SVOP: variants seen among roughly 807,000 people sequenced by gnomAD.
SVOP encodes synaptic vesicle 2-related protein.
In SVOP, 17 loss-of-function variants were observed where a neutral mutation model predicts 69.1. That is an observed-to-expected ratio of 0.25 (90% CI 0.17 to 0.37). The LOEUF (loss-of-function observed/expected upper bound fraction) is 0.37, where lower values mean the gene tolerates loss of function less well. Ranked by LOEUF, SVOP falls within the 10% of genes least tolerant of loss-of-function variation. The pLI, the probability that SVOP is intolerant of heterozygous loss-of-function variation, is 1.00. For missense variants in SVOP, 435 were observed against 597.5 expected, an observed-to-expected ratio of 0.73 and a Z score of 2.84; for synonymous variants, 238 against 238.6, an observed-to-expected ratio of 1.00 and a Z score of 0.02.
intron 1 of SVOP, among the ~76,000 whole-genome samples, chr12:108,988,992 C>T (rs972058941): frequency 6.6e-6 from 1 of 151,866 alleles, no homozygotes. Flanking sequence ...AGGCTGATCT[C>T]GAACTCCTGA....
chr12:108,945,932 G>T (rs376716737), intron 6 of SVOP, among the ~76,000 whole-genome samples: 3 of 152,098 alleles, frequency 2.0e-5, no homozygotes, highest in Admixed American at 6.5e-5. Flanking sequence ...TCCACCCTAA[G>T]TTATAATTTT....
chr12:108,993,731 T>G (rs2040216065), intron 1 of SVOP, among the ~76,000 whole-genome samples: 2 of 151,992 alleles, frequency 1.3e-5, no homozygotes, highest in African/African-American at 4.8e-5. Flanking sequence ...TGGTGTGAAA[T>G]GGGCTACAGA....
chr12:109,016,968 AG>A (rs1224927482), intron 1 of SVOP, among the ~76,000 whole-genome samples: 4 of 152,128 alleles, frequency 2.6e-5, no homozygotes, highest in Non-Finnish European at 4.4e-5. Flanking sequence ...GGCTTGCAGT[AG>A]TTCTTGATAG....
intron 11 of SVOP, among the ~76,000 whole-genome samples, chr12:108,933,443 C>A (rs1472640987): frequency 1.3e-5 from 2 of 151,818 alleles, no homozygotes; most frequent in African/African-American, 4.8e-5. Flanking sequence ...TTTGGAAGTC[C>A]AAGGCAGTCA....
intron 1 of SVOP, among the ~76,000 whole-genome samples, chr12:109,015,643 A>AAAAAAAATGC (rs111795303): frequency 2.0e-5 from 3 of 151,628 alleles, no homozygotes; most frequent in South Asian, 2.1e-4. Flanking sequence ...CCATCTCTAT[A>AAAAAAAATGC]AAAAATTAGC....
intron 11 of SVOP, among the ~76,000 whole-genome samples, chr12:108,933,163 C>G (rs1234531979): frequency 6.6e-6 from 1 of 152,104 alleles, no homozygotes; most frequent in Non-Finnish European, 1.5e-5. Flanking sequence ...GCACGAGCCA[C>G]CACGCCTGGC....
At chr12:108,989,014 C>T (rs916056856) in intron 1 of SVOP, among the ~76,000 whole-genome samples, 5 of 152,072 alleles carry the variant, frequency 3.3e-5, no homozygotes, top group African/African-American at 7.2e-5. Context: ...CTCAAGTGAT[C>T]GGCCTGCCTT....
chr12:108,995,884 G>A (rs1410562892), intron 1 of SVOP, among the ~76,000 whole-genome samples: 1 of 149,746 alleles, frequency 6.7e-6, no homozygotes, highest in African/African-American at 2.5e-5. Flanking sequence ...CCTGGGCAAC[G>A]CAGGTAGACT....
At chr12:108,993,271 G>T (rs538066284) in intron 1 of SVOP, among the ~76,000 whole-genome samples, 33 of 151,570 alleles carry the variant, frequency 2.2e-4, no homozygotes, top group Non-Finnish European at 4.3e-4. Context: ...GACTCCCAAA[G>T]TGCAGGTATT....
chr12:108,983,205 C>T (rs1221512322), intron 2 of SVOP, among the ~76,000 whole-genome samples: 1 of 151,048 alleles, frequency 6.6e-6, no homozygotes, highest in Non-Finnish European at 1.5e-5. Context: ...GTCTTCATCA[C>T]TATGATCATC....
At chr12:109,014,134 G>A (rs1328478521) in intron 1 of SVOP, among the ~76,000 whole-genome samples, 1 of 150,954 alleles carries the variant, frequency 6.6e-6, no homozygotes, top group Non-Finnish European at 1.5e-5. Context: ...TCGTGCCTCA[G>A]CCTCCCAAGT....
At chr12:108,959,372 G>A (rs1181344938) in intron 6 of SVOP, among the ~76,000 whole-genome samples, 1 of 67,328 alleles carries the variant, frequency 1.5e-5, no homozygotes, top group Non-Finnish European at 2.9e-5. Context: ...TTTTTTTTTT[G>A]AGTCAGAGTC....
At chr12:108,935,824 C>T (rs1366870127) in intron 10 of SVOP, among the ~76,000 whole-genome samples, 1 of 152,062 alleles carries the variant, frequency 6.6e-6, no homozygotes, top group Non-Finnish European at 1.5e-5. Flanking sequence ...TCTCCAAATA[C>T]CACCCCCAAC....
At chr12:108,939,067 G>T in intron 8 of SVOP, 112 bp from the exon 9 acceptor site, 1 of 1,474,896 alleles carries the variant, frequency 6.8e-7, no homozygotes, top group Non-Finnish European at 9.2e-7. Flanking sequence ...GGGCTCTGGA[G>T]CCAGAGAGCT....
At chr12:108,984,668 G>C (rs1368785350) in intron 1 of SVOP, among the ~76,000 whole-genome samples, 1 of 152,176 alleles carries the variant, frequency 6.6e-6, no homozygotes, top group African/African-American at 2.4e-5. Flanking sequence ...AAACTATGCT[G>C]TTTCTTGTTC....
chr12:108,919,428 C>T (rs1318420591), intron 13 of SVOP, among the ~76,000 whole-genome samples: 34 of 150,564 alleles, frequency 2.3e-4, no homozygotes, highest in Admixed American at 2.2e-3. Context: ...GGCCTATACC[C>T]ACACCTGTGC....
chr12:109,001,107 A>G (rs1166820452), intron 1 of SVOP, among the ~76,000 whole-genome samples: 1 of 148,898 alleles, frequency 6.7e-6, no homozygotes, highest in Non-Finnish European at 1.5e-5. Context: ...AAGCAACTTC[A>G]GCAAAGTCTC....
chr12:108,953,036 T>C (rs1439275667), intron 6 of SVOP, among the ~76,000 whole-genome samples: 1 of 151,414 alleles, frequency 6.6e-6, no homozygotes, highest in African/African-American at 2.4e-5. Context: ...ATATCTACTT[T>C]GGGGAAAGAA....
chr12:108,938,104 C>T (rs1347783098), intron 9 of SVOP, among the ~76,000 whole-genome samples: 1 of 152,216 alleles, frequency 6.6e-6, no homozygotes, highest in African/African-American at 2.4e-5. Context: ...CCAAACACCT[C>T]CTTCCAACTT....
Sources: gnomAD v4.1 joint callset for allele counts (sites outside exome capture counted in the v4.1 genomes callset) on GRCh38, gnomAD v4.1.1 for gene constraint, MANE v1.5 for transcripts, NCBI Gene and HGNC (gene_info 2026-07-23, HGNC 2026-07-21) for gene names.